Variants in LGSN observed in about 807,000 individuals in gnomAD.
LGSN encodes lengsin.
Under a neutral mutation model 19.5 loss-of-function variants are expected in LGSN, and 21 were observed. The observed-to-expected ratio is 1.07, with a 90% CI of 0.76 to 1.55. The LOEUF is 1.55. LGSN is among the 40% of genes most tolerant of loss of function. LGSN has a pLI of 0.00. For missense variants in LGSN, 673 were observed against 608.5 expected (o/e 1.11, Z -1.12); for synonymous variants, 257 against 215.6 (o/e 1.19, Z -1.68).
chr6:63,529,914 A>G, the LGSN span, among the ~76,000 whole-genome samples: 10 of 152,212 alleles, frequency 6.6e-5, no homozygotes, highest in Non-Finnish European at 1.0e-4. Context: ...TATTTTCACT[A>G]TTAAAGAAAT....
chr6:63,448,735 G>A, the LGSN span, among the ~76,000 whole-genome samples: 1 of 124,766 alleles, frequency 8.0e-6, no homozygotes. Flanking sequence ...TTTCATTTTT[G>A]TTAAAATTCA....
At chr6:63,318,010 A>G (rs1280163251) in intron 1 of LGSN, among the ~76,000 whole-genome samples, 2 of 152,078 alleles carry the variant, frequency 1.3e-5, no homozygotes, top group Non-Finnish European at 2.9e-5. Flanking sequence ...TCACAATTTC[A>G]TACACCCATA....
chr6:63,567,691 C>A, the LGSN span, among the ~76,000 whole-genome samples: 3 of 152,238 alleles, frequency 2.0e-5, no homozygotes, highest in Non-Finnish European at 2.9e-5. Flanking sequence ...AAGAGAACTG[C>A]CTGTCCTTCG....
At chr6:63,502,095 T>C in the LGSN span, among the ~76,000 whole-genome samples, 1 of 152,230 alleles carries the variant, frequency 6.6e-6, no homozygotes, top group Non-Finnish European at 1.5e-5. Context: ...TCCCTGTGCC[T>C]GGCCCAGTGT....
At chr6:63,549,176 T>C in the LGSN span, 1 of 686,548 alleles carries the variant, frequency 1.5e-6, no homozygotes, top group South Asian at 1.6e-5. Context: ...ACAGCCTCTG[T>C]TTCTTCTCTT....
At chr6:63,436,729 T>C in the LGSN span, among the ~76,000 whole-genome samples, 1 of 152,166 alleles carries the variant, frequency 6.6e-6, no homozygotes, top group African/African-American at 2.4e-5. Context: ...TCCACAGTTT[T>C]GAAGAAAAGA....
chr6:63,514,334 C>T, the LGSN span, among the ~76,000 whole-genome samples: 3,834 of 152,256 alleles, frequency 0.025, 67 homozygotes, highest in Non-Finnish European at 0.04. Flanking sequence ...TTCAAGTGAT[C>T]CTCCTGCCTC....
At chr6:63,519,450 G>A in the LGSN span, among the ~76,000 whole-genome samples, 1 of 152,146 alleles carries the variant, frequency 6.6e-6, no homozygotes, top group African/African-American at 2.4e-5. Flanking sequence ...TTCAGGTAAG[G>A]GATGTGAAAC....
chr6:63,313,993 G>A (rs779109208), intron 1 of LGSN, among the ~76,000 whole-genome samples: 3 of 152,034 alleles, frequency 2.0e-5, no homozygotes, highest in Non-Finnish European at 4.4e-5. Flanking sequence ...GAGGTCCCTG[G>A]GAGGACAGAA....
At chr6:63,364,182 C>T in the LGSN span, among the ~76,000 whole-genome samples, 3 of 151,884 alleles carry the variant, frequency 2.0e-5, no homozygotes, top group African/African-American at 4.8e-5. Flanking sequence ...TTCAGGAGAC[C>T]CATCTCACAT....
chr6:63,505,170 CTT>C, the LGSN span, among the ~76,000 whole-genome samples: 4 of 144,016 alleles, frequency 2.8e-5, no homozygotes, highest in South Asian at 2.2e-4. Flanking sequence ...TAGTAACTTG[CTT>C]TTTTTTTTTT....
chr6:63,411,412 A>G, the LGSN span, among the ~76,000 whole-genome samples: 1 of 152,238 alleles, frequency 6.6e-6, no homozygotes, highest in East Asian at 1.9e-4. Flanking sequence ...TCTACATGCC[A>G]TATCTCCTCC....
the LGSN span, among the ~76,000 whole-genome samples, chr6:63,532,446 T>C: frequency 1.3e-5 from 2 of 152,150 alleles, no homozygotes; most frequent in Non-Finnish European, 2.9e-5. Context: ...GCATACATCC[T>C]ATGTATGGGT....
chr6:63,306,634 G>A (rs1257001063), intron 1 of LGSN, among the ~76,000 whole-genome samples: 1 of 152,080 alleles, frequency 6.6e-6, no homozygotes, highest in Non-Finnish European at 1.5e-5. Context: ...GGCAGTTAAG[G>A]GCCTCCATGT....
At chr6:63,408,662 A>T in the LGSN span, among the ~76,000 whole-genome samples, 1 of 150,962 alleles carries the variant, frequency 6.6e-6, no homozygotes, top group Admixed American at 6.6e-5. Flanking sequence ...ATGGCAACAA[A>T]AGCCAAAAGT....
At chr6:63,393,468 C>T in the LGSN span, among the ~76,000 whole-genome samples, 6 of 151,958 alleles carry the variant, frequency 3.9e-5, no homozygotes, top group Non-Finnish European at 8.8e-5. Context: ...CGTGAGCCAC[C>T]GCGCCTGGCC....
chr6:63,551,022 G>T, the LGSN span, among the ~76,000 whole-genome samples: 1 of 151,664 alleles, frequency 6.6e-6, no homozygotes, highest in Admixed American at 6.6e-5. Flanking sequence ...ATGTTGATAG[G>T]TTTTTTTTAT....
At chr6:63,524,530 T>A in the LGSN span, among the ~76,000 whole-genome samples, 1 of 152,166 alleles carries the variant, frequency 6.6e-6, no homozygotes, top group Non-Finnish European at 1.5e-5. Flanking sequence ...TTTTAATTCC[T>A]ATATGAATTT....
chr6:63,420,370 G>A, the LGSN span, among the ~76,000 whole-genome samples: 1 of 152,284 alleles, frequency 6.6e-6, no homozygotes, highest in Non-Finnish European at 1.5e-5. Context: ...CCATTCCATG[G>A]GGCAAAACAG....
Sources: gnomAD v4.1 joint callset for allele counts (sites outside exome capture counted in the v4.1 genomes callset) on GRCh38, gnomAD v4.1.1 for gene constraint, MANE v1.5 for transcripts, NCBI Gene and HGNC (gene_info 2026-07-23, HGNC 2026-07-21) for gene names.